YAE1: variants seen among roughly 807,000 people sequenced by gnomAD.
YAE1 encodes the protein YAE1 maturation factor of ABCE1, also known as protein YAE1 homolog.
A neutral mutation model predicts 23.0 loss-of-function variants in YAE1; 22 were observed. The observed-to-expected ratio is 0.96, with a 90% confidence interval of 0.68 to 1.37. YAE1 has a LOEUF of 1.37. Ranked by LOEUF, YAE1 falls within the 40% of genes most tolerant of loss-of-function variation. The probability of loss-of-function intolerance (pLI) is 0.00; values close to 1 mark genes in which losing one functional copy is unlikely to be tolerated. For synonymous variants in YAE1, 101 were observed against 97.0 expected (o/e 1.04, Z -0.24); for missense variants, 260 against 262.1 (o/e 0.99, Z 0.06).
intron 1 of YAE1, chr7:39,570,263 A>G: frequency 1.6e-6 from 1 of 639,194 alleles, no homozygotes; most frequent in Non-Finnish European, 2.6e-6. Context: ...AAAAACTGTG[A>G]CTATCAGTGT....
At chr7:39,608,292 C>G (rs932316273) in intron 2 of YAE1, among the ~76,000 whole-genome samples, 4 of 152,134 alleles carry the variant, frequency 2.6e-5, no homozygotes, top group African/African-American at 7.2e-5. Context: ...GCACAGCACC[C>G]TAGGGAAGTT....
At chr7:39,575,575 A>AGAGAGTGAGT (rs1339594299), downstream of YAE1, among the ~76,000 whole-genome samples, 39 of 81,770 alleles carry the variant, frequency 4.8e-4, 1 homozygote, top group African/African-American at 1.8e-3. Context: ...AGAGAGAGAG[A>AGAGAGTGAGT]GAGTGAGTGT....
At chr7:39,580,000 G>A (rs1043666773) in intron 2 of YAE1, among the ~76,000 whole-genome samples, 10 of 151,774 alleles carry the variant, frequency 6.6e-5, no homozygotes, top group African/African-American at 1.9e-4. Flanking sequence ...AGCTGTGATC[G>A]CACCACTGCA....
chr7:39,606,665 T>A (rs999016796), intron 2 of YAE1, among the ~76,000 whole-genome samples: 6 of 151,090 alleles, frequency 4.0e-5, no homozygotes, highest in Non-Finnish European at 8.8e-5. Flanking sequence ...TATCTAGGTT[T>A]AAGGGCAAAT....
At chr7:39,602,712 A>C (rs1791069929) in intron 2 of YAE1, among the ~76,000 whole-genome samples, 1 of 151,858 alleles carries the variant, frequency 6.6e-6, no homozygotes, top group Non-Finnish European at 1.5e-5. Context: ...ACAGAGATTG[A>C]AATTTCAAAG....
At chr7:39,596,003 C>G (rs1583681326) in intron 2 of YAE1, among the ~76,000 whole-genome samples, 1 of 152,190 alleles carries the variant, frequency 6.6e-6, no homozygotes, top group East Asian at 1.9e-4. Flanking sequence ...TCTCCATTGG[C>G]TATGCCTTTT....
chr7:39,589,459 G>A (rs1467165223), intron 2 of YAE1, among the ~76,000 whole-genome samples: 1 of 151,738 alleles, frequency 6.6e-6, no homozygotes, highest in Non-Finnish European at 1.5e-5. Flanking sequence ...GTAGAGACAG[G>A]GTTTCACTAG....
intron 2 of YAE1, among the ~76,000 whole-genome samples, chr7:39,596,194 AT>A (rs58067712): frequency 0.066 from 9,999 of 151,260 alleles, 1,135 homozygotes; most frequent in African/African-American, 0.23. Context: ...TAAGTCACTT[AT>A]TTTTTTTTCT....
intron 2 of YAE1, among the ~76,000 whole-genome samples, chr7:39,600,796 G>A (rs1392903831): frequency 2.6e-5 from 4 of 152,212 alleles, no homozygotes; most frequent in African/African-American, 4.8e-5. Context: ...TGCAAGCCAA[G>A]AAATGGGAAA....
intron 1 of YAE1, among the ~76,000 whole-genome samples, chr7:39,567,185 TTAATA>T (rs1455291656): frequency 5.9e-5 from 9 of 152,238 alleles, no homozygotes. Flanking sequence ...CCACATCCAC[TTAATA>T]TATTTGCCAA....
chr7:39,605,714 A>T (rs1417663955), intron 2 of YAE1, among the ~76,000 whole-genome samples: 1 of 152,034 alleles, frequency 6.6e-6, no homozygotes, highest in Non-Finnish European at 1.5e-5. Flanking sequence ...TTATTGCGTG[A>T]GCCAATCTTT....
Position 39,570,481 on chromosome 7 carries a change from G to C in YAE1, c.130-25G>C, listed in dbSNP as rs371554212. 6.5e-5 allele frequency: 105 copies of C among 1,604,722 alleles called. No homozygotes were observed. The African/African-American group carries it at 1.3e-3, about 20-fold the overall frequency. On this transcript the variant is annotated intron_variant, in intron 1 of 2. Transcript: ENST00000223273. ...TACATGTATATACTTAGTTACAGCT[G>C]CACTTCTCCATTACTTATTTTTAGG... is the stretch of plus-strand genomic sequence containing the variant.
At chr7:39,585,485 A>G (rs1471162431) in intron 2 of YAE1, among the ~76,000 whole-genome samples, 1 of 152,160 alleles carries the variant, frequency 6.6e-6, no homozygotes, top group African/African-American at 2.4e-5. Context: ...GGGCCTCAGA[A>G]AAAAACAAAC....
chr7:39,597,026 C>T lies in YAE1; in HGVS notation c.252-12591C>T, dbSNP rs145057205. On this transcript the variant is annotated intron_variant, in intron 2 of 2. Coordinates refer to the YAE1 transcript ENST00000432096. Reference sequence around the variant, plus strand: ...AATTTGTACCTGGACTTTTAAAAGACATTTCTGTGATAAGTCATGATGACT... The same window carrying T: ...AATTTGTACCTGGACTTTTAAAAGATATTTCTGTGATAAGTCATGATGACT... Among the ~76,000 whole-genome samples, 34 of 152,298 alleles carry T rather than the reference C, an allele frequency of 2.2e-4. No homozygotes were observed. The South Asian group carries it at 6.6e-3, about 30-fold the overall frequency.
chr7:39,576,184 A>G (rs1790655394), downstream of YAE1, among the ~76,000 whole-genome samples: 1 of 152,122 alleles, frequency 6.6e-6, no homozygotes, highest in Non-Finnish European at 1.5e-5. Flanking sequence ...CATCTTTCAA[A>G]CAGTTTGAGT....
chr7:39,601,726 T>G (rs2115843653), intron 2 of YAE1, among the ~76,000 whole-genome samples: 1 of 141,530 alleles, frequency 7.1e-6, no homozygotes, highest in East Asian at 2.1e-4. Flanking sequence ...GCCACTGCAC[T>G]CCAGCCTGGA....
At chr7:39,586,212 G>C in intron 2 of YAE1, among the ~76,000 whole-genome samples, 1 of 144,878 alleles carries the variant, frequency 6.9e-6, no homozygotes, top group East Asian at 2.0e-4. Context: ...TCATTCTGTC[G>C]CCCAGGCTGG....
chr7:39,570,377 G>A, intron 1 of YAE1, 129 bp from the exon 2 acceptor site: 1 of 1,039,460 alleles, frequency 9.6e-7, no homozygotes, highest in Non-Finnish European at 1.4e-6. Flanking sequence ...ATATTGTTAT[G>A]CCATATTATG....
At chr7:39,596,193 T>A (rs1252019910) in intron 2 of YAE1, among the ~76,000 whole-genome samples, 2 of 148,028 alleles carry the variant, frequency 1.4e-5, no homozygotes, top group Admixed American at 1.3e-4. Context: ...GTAAGTCACT[T>A]ATTTTTTTTT....
Sources: allele counts gnomAD v4.1 joint callset (sites outside exome capture counted in the v4.1 genomes callset), GRCh38; gene constraint gnomAD v4.1.1; transcripts MANE v1.5; gene names NCBI Gene and HGNC (gene_info 2026-07-23, HGNC 2026-07-21).